The following AGAP1 variants were observed in gnomAD, a reference collection of about 807,000 sequenced individuals.
AGAP1 encodes the protein arf-GAP with GTPase, ANK repeat and PH domain-containing protein 1.
AGAP1 carries 29 observed loss-of-function variants against 105.3 expected under a neutral mutation model. That is an observed-to-expected ratio of 0.28 (90% CI 0.21 to 0.38). The LOEUF (loss-of-function observed/expected upper bound fraction) is 0.38, where lower values mean the gene tolerates loss of function less well. Among genes scored for constraint, AGAP1 ranks in the 10% least tolerant of loss-of-function variants. The pLI is 1.00. For missense variants in AGAP1, 998 were observed against 1,165.1 expected, an observed-to-expected ratio of 0.86 and a Z score of 2.09; for synonymous variants, 509 against 485.9, an observed-to-expected ratio of 1.05 and a Z score of -0.63.
At chr2:235,755,721 A>G (rs1276490128) in intron 6 of AGAP1, among the ~76,000 whole-genome samples, 1 of 152,184 alleles carries the variant, frequency 6.6e-6, no homozygotes, top group Non-Finnish European at 1.5e-5. Flanking sequence ...GATTGCAGGC[A>G]TGACACACTG....
At position 236,105,101 on chromosome 2, in the gene AGAP1, G is replaced by T. The variant is rs2059451175; in HGVS notation, c.2115-15091G>T. The stretch of plus-strand genomic sequence containing the variant: ...CCTTCTGTCTGTCTCGGTGAGAGAA[G>T]GCACGGCCCTCACCCAGGGCAGCAG... On this transcript the variant is annotated intron_variant, in intron 16 of 17. Transcript: ENST00000304032. The surrounding 1 kb of genome is among the most constrained non-coding windows in gnomAD (Gnocchi z 4.2). Among the ~76,000 whole-genome samples the T allele has an allele frequency of 6.6e-6, 1 of 152,048 alleles. No individual in the cohort carries two copies. Among genetic ancestry groups the T allele is most frequent in the South Asian group, 2.1e-4 (1 of 4,816 alleles).
At chr2:235,996,356 T>C (rs962293070) in intron 13 of AGAP1, among the ~76,000 whole-genome samples, 2 of 152,218 alleles carry the variant, frequency 1.3e-5, no homozygotes, top group Non-Finnish European at 2.9e-5. Context: ...TGGAGATTCG[T>C]ATCTGACAGG....
chr2:235,926,351 ACTGGCC>A, intron 11 of AGAP1, among the ~76,000 whole-genome samples: 1 of 152,318 alleles, frequency 6.6e-6, no homozygotes, highest in Middle Eastern at 3.4e-3. Context: ...AACTGTGGCC[ACTGGCC>A]TGGGACTGCT....
chr2:235,671,503 C>G (rs1036572515), intron 1 of AGAP1, among the ~76,000 whole-genome samples: 3 of 152,188 alleles, frequency 2.0e-5, no homozygotes, highest in Non-Finnish European at 2.9e-5. Flanking sequence ...CTCCCTGCCT[C>G]GAGTCGTCTC....
chr2:235,903,503 G>GC (rs2051158398), intron 10 of AGAP1, among the ~76,000 whole-genome samples: 2 of 152,314 alleles, frequency 1.3e-5, no homozygotes, highest in South Asian at 4.1e-4. Flanking sequence ...TCACCAGACA[G>GC]CCAAAGGTAA....
In AGAP1 at chr2:236,002,916, G is replaced by A. The variant is rs930095469; in HGVS notation, c.1646-33645G>A. ...GTGTGTGAACAGGAGGGCCGGGGTC[G>A]CTGGGTTCCAGGCGCAGCCATGAGA... On this transcript the variant is annotated intron_variant, in intron 13 of 17. Transcript: ENST00000304032. This position sits in a 1 kb window ranked among gnomAD's most constrained non-coding sequence, Gnocchi z 4.3. Among the ~76,000 whole-genome samples the A allele has an allele frequency of 2.6e-5, 4 of 152,192 alleles. No homozygotes were observed. Among genetic ancestry groups the A allele is most frequent in the East Asian group, 3.9e-4 (2 of 5,170 alleles).
In AGAP1 at chr2:235,936,325, G is replaced by T. The variant is rs954730606; in HGVS notation, c.1483+5402G>T. Among the ~76,000 whole-genome samples, 3 of 152,178 alleles carry T rather than the reference G, an allele frequency of 2.0e-5. No individual in the cohort carries two copies. Among genetic ancestry groups the T allele is most frequent in the Non-Finnish European group, 4.4e-5 (3 of 68,036 alleles). On this transcript the variant is annotated intron_variant, in intron 12 of 17. Coordinates refer to ENST00000304032, the MANE Select transcript of AGAP1 (RefSeq NM_001037131.3). The surrounding 1 kb of genome is among the most constrained non-coding windows in gnomAD (Gnocchi z 4.7). ...GTGTGTGTGTACGGGTGTATGCTCT[G>T]GTCCCTGTTTCCTTCTGGCCACGTA...
At position 235,615,383 on chromosome 2, in the gene AGAP1, A is replaced by G. The variant is rs1347668156; in HGVS notation, c.164-93796A>G. On this transcript the variant is annotated intron_variant, in intron 1 of 17. Transcript: ENST00000304032. The surrounding 1 kb of genome is among the most constrained non-coding windows in gnomAD (Gnocchi z 5.0). ...ATTGTTACAATTGGAGTGATCTCAT[A>G]TGACCAAAAGTTGGAATGATCCCAT... Among the ~76,000 whole-genome samples, 2 of 152,236 alleles carry G rather than the reference A, an allele frequency of 1.3e-5. No individual in the cohort carries two copies. The highest frequency in any genetic ancestry group is 4.8e-5 in the African/African-American group (2 of 41,468).
intron 9 of AGAP1, among the ~76,000 whole-genome samples, chr2:235,850,697 T>C (rs973628856): frequency 6.6e-6 from 1 of 152,256 alleles, no homozygotes; most frequent in Non-Finnish European, 1.5e-5. Flanking sequence ...TGCAAAAAGT[T>C]TTCCTGTTTC....
intron 1 of AGAP1, among the ~76,000 whole-genome samples, chr2:235,540,707 C>T (rs974059289): frequency 5.9e-5 from 9 of 152,136 alleles, no homozygotes; most frequent in Admixed American, 3.9e-4. Context: ...GATGAAGAGA[C>T]CCTTATGAAG....
At position 236,055,620 on chromosome 2, in the gene AGAP1, A is replaced by G. The variant is rs2058030441; in HGVS notation, c.2114+6339A>G. Among the ~76,000 whole-genome samples the G allele has an allele frequency of 6.6e-6, 1 of 152,254 alleles. No homozygotes were observed. The highest frequency in any genetic ancestry group is 2.4e-5 in the African/African-American group (1 of 41,480). ...ACCCTCCCAGTTTCCCCGTCCAGGC[A>G]GGGACTGTGCCCTGCTCAAGCCACG... On this transcript the variant is annotated intron_variant, in intron 16 of 17. Transcript: ENST00000304032. The surrounding 1 kb of genome is among the most constrained non-coding windows in gnomAD (Gnocchi z 6.2).
chr2:235,678,639 G>C (rs564663169), intron 1 of AGAP1, among the ~76,000 whole-genome samples: 5 of 152,144 alleles, frequency 3.3e-5, no homozygotes, highest in Non-Finnish European at 7.4e-5. Flanking sequence ...TTTGATTTTT[G>C]TACCTGGTCT....
At chr2:236,107,445 C>CA in intron 16 of AGAP1, among the ~76,000 whole-genome samples, 1 of 152,294 alleles carries the variant, frequency 6.6e-6, no homozygotes, top group South Asian at 2.1e-4. Flanking sequence ...CATGATTCCT[C>CA]AGACAGTCTC....
At chr2:235,696,362 AACCATGGCTTATG>A (rs1451515197) in intron 1 of AGAP1, among the ~76,000 whole-genome samples, 2 of 152,194 alleles carry the variant, frequency 1.3e-5, no homozygotes, top group African/African-American at 4.8e-5. Flanking sequence ...CCAATTTTTA[AACCATGGCTTATG>A]ACCCTTACCC....
chr2:235,764,016 A>G (rs943591963), intron 6 of AGAP1, among the ~76,000 whole-genome samples: 1 of 151,842 alleles, frequency 6.6e-6, no homozygotes, highest in Non-Finnish European at 1.5e-5. Context: ...CGTGGCTGTG[A>G]CCCGTGCGTG....
At chr2:235,980,201 T>TA (rs1467666767) in intron 13 of AGAP1, among the ~76,000 whole-genome samples, 1 of 152,244 alleles carries the variant, frequency 6.6e-6, no homozygotes, top group Non-Finnish European at 1.5e-5. Flanking sequence ...GCCCATCTTC[T>TA]AGTCAATTAT....
intron 1 of AGAP1, among the ~76,000 whole-genome samples, chr2:235,513,074 TC>T (rs751383074): frequency 6.6e-6 from 1 of 152,132 alleles, no homozygotes; most frequent in Non-Finnish European, 1.5e-5. Flanking sequence ...GTTTGCACTT[TC>T]ATTGGGCCCC....
In AGAP1 at chr2:235,553,900, G is replaced by A. The variant is rs1043273644; in HGVS notation, c.163+59051G>A. Reference sequence around the variant, plus strand: ...AGGATCCCGAAGCACGGTTGCCTCCGCCTCCCACCCCACCCCGTGGTGCGG... The same window carrying A: ...AGGATCCCGAAGCACGGTTGCCTCCACCTCCCACCCCACCCCGTGGTGCGG... On this transcript the variant is annotated intron_variant, in intron 1 of 17. Coordinates refer to ENST00000304032, the MANE Select transcript of AGAP1 (RefSeq NM_001037131.3). The surrounding 1 kb of genome is among the most constrained non-coding windows in gnomAD (Gnocchi z 4.5). Among the ~76,000 whole-genome samples the A allele has an allele frequency of 2.0e-5, 3 of 152,182 alleles. No individual in the cohort carries two copies. The highest frequency in any genetic ancestry group is 2.9e-5 in the Non-Finnish European group (2 of 68,026).
At chr2:236,085,750 C>G (rs2058913033) in intron 16 of AGAP1, among the ~76,000 whole-genome samples, 1 of 152,234 alleles carries the variant, frequency 6.6e-6, no homozygotes, top group African/African-American at 2.4e-5. Context: ...CCCCCAGGGG[C>G]ATCATGTGGT....
Sources: gnomAD v4.1 joint callset for allele counts (sites outside exome capture counted in the v4.1 genomes callset) on GRCh38, gnomAD v4.1.1 for gene constraint, Gnocchi (gnomAD v3.1) non-coding constraint, MANE v1.5 for transcripts, NCBI Gene and HGNC (gene_info 2026-07-23, HGNC 2026-07-21) for gene names.